NDUFAF2: variants seen among roughly 807,000 people sequenced by gnomAD.
NDUFAF2 encodes the protein NADH dehydrogenase [ubiquinone] 1 alpha subcomplex assembly factor 2.
Under a neutral mutation model 22.8 loss-of-function variants are expected in NDUFAF2, and 13 were observed. The observed-to-expected ratio is 0.57, with a 90% confidence interval of 0.37 to 0.91. The LOEUF is 0.91. NDUFAF2 is among the 40% of genes least tolerant of loss of function. The probability of loss-of-function intolerance (pLI) is 0.01; values close to 1 mark genes in which losing one functional copy is unlikely to be tolerated. For missense variants in NDUFAF2, 162 were observed against 195.2 expected (o/e 0.83, Z 1.01); for synonymous variants, 53 against 64.2 (o/e 0.83, Z 0.84).
chr5:61,006,186 T>G (rs1751364069), intron 1 of NDUFAF2, among the ~76,000 whole-genome samples: 3 of 152,236 alleles, frequency 2.0e-5, no homozygotes, highest in Admixed American at 2.0e-4. Flanking sequence ...CAGCACCATT[T>G]ATTAAATAGG....
rs1752326092 is a variant in NDUFAF2 at position 61,073,352 on chromosome 5, TTTTAACATTGCATTTCTTTGAA to T, written c.217+139_217+160del. On this transcript the variant is annotated intron_variant, in intron 2 of 3. Coordinates refer to ENST00000296597, the MANE Select transcript of NDUFAF2 (RefSeq NM_174889.5). ...TGTCTGAATGTTTGAAACTTTGTTT[TTTTAACATTGCATTTCTTTGAA>T]AGTTGTGAAGGTGCTGAATTTTAGT... The T allele has an allele frequency of 5.7e-6, 4 of 706,174 alleles. No homozygotes were observed. In the Admixed American group the frequency reaches 9.3e-5, roughly 16 times the overall value. The allele number at this position is 706,174 out of a possible 1,614,324, so 43.7% of individuals were successfully genotyped here. A position where few individuals can be genotyped will look rare whatever the true frequency, so the allele number is the denominator to read the frequency against.
At chr5:61,103,192 G>T (rs1752723939) in intron 3 of NDUFAF2, among the ~76,000 whole-genome samples, 1 of 152,074 alleles carries the variant, frequency 6.6e-6, no homozygotes, top group African/African-American at 2.4e-5. Context: ...AAGGCTTCCT[G>T]ATTTGGGCCC....
chr5:61,139,603 A>G (rs1279893365), intron 3 of NDUFAF2, among the ~76,000 whole-genome samples: 1 of 152,222 alleles, frequency 6.6e-6, no homozygotes, highest in Non-Finnish European at 1.5e-5. Context: ...GTTTCCTACC[A>G]TGGTTAATGG....
intron 3 of NDUFAF2, among the ~76,000 whole-genome samples, chr5:61,111,648 T>G (rs1752842073): frequency 6.6e-6 from 1 of 152,000 alleles, no homozygotes; most frequent in Non-Finnish European, 1.5e-5. Context: ...AGACAGAGTC[T>G]CACTCTGTTG....
intron 3 of NDUFAF2, among the ~76,000 whole-genome samples, chr5:61,111,780 G>A (rs184924620): frequency 7.9e-5 from 12 of 151,798 alleles, no homozygotes; most frequent in Middle Eastern, 3.4e-3. Context: ...CACCACGCCC[G>A]GCTAATTTTT....
intron 1 of NDUFAF2, among the ~76,000 whole-genome samples, chr5:61,050,988 T>A (rs925584551): frequency 6.6e-6 from 1 of 152,196 alleles, no homozygotes; most frequent in Admixed American, 6.5e-5. Flanking sequence ...AATATTTGCT[T>A]TTCAAAGGAA....
chr5:61,138,312 A>G (rs1054563326), intron 3 of NDUFAF2, among the ~76,000 whole-genome samples: 3 of 152,232 alleles, frequency 2.0e-5, no homozygotes, highest in African/African-American at 7.2e-5. Flanking sequence ...ATAAAGAGAA[A>G]TGCACAATTC....
At chr5:61,008,302 T>TAA (rs916252927) in intron 1 of NDUFAF2, among the ~76,000 whole-genome samples, 15 of 151,292 alleles carry the variant, frequency 9.9e-5, no homozygotes, top group African/African-American at 3.6e-4. Flanking sequence ...TAAAGTATAA[T>TAA]AAAAAAAAAG....
chr5:60,988,118 A>G (rs1002041828), intron 1 of NDUFAF2, among the ~76,000 whole-genome samples: 6 of 152,214 alleles, frequency 3.9e-5, no homozygotes, highest in East Asian at 1.9e-4. Flanking sequence ...AAAAATTAGT[A>G]GCATTTCTTT....
chr5:60,947,782 A>C (rs1289721930), intron 1 of NDUFAF2, among the ~76,000 whole-genome samples: 1 of 144,248 alleles, frequency 6.9e-6, no homozygotes, highest in African/African-American at 2.6e-5. Flanking sequence ...AAAAAAAAAA[A>C]ACAAGCCCAA....
chr5:61,049,821 CAT>C (rs1414478974), intron 1 of NDUFAF2, among the ~76,000 whole-genome samples: 4 of 149,362 alleles, frequency 2.7e-5, no homozygotes, highest in Non-Finnish European at 4.5e-5. Flanking sequence ...TATTTATATA[CAT>C]ATATATAAAT....
chr5:61,054,169 C>T (rs1371908358), intron 1 of NDUFAF2, among the ~76,000 whole-genome samples: 1 of 152,104 alleles, frequency 6.6e-6, no homozygotes, highest in Non-Finnish European at 1.5e-5. Flanking sequence ...CCACTGTACT[C>T]ATTCCTGGGT....
chr5:61,038,061 G>A (rs866798398), intron 1 of NDUFAF2, among the ~76,000 whole-genome samples: 9 of 135,230 alleles, frequency 6.7e-5, no homozygotes, highest in Middle Eastern at 3.4e-3. Flanking sequence ...GTGATGAGAC[G>A]GGGGGTGGGA....
At chr5:61,146,292 A>G (rs1008441711) in intron 3 of NDUFAF2, 3 of 152,196 alleles carry the variant, frequency 2.0e-5, no homozygotes, top group Non-Finnish European at 2.9e-5. Flanking sequence ...TGGTGGACGT[A>G]GAGTTTTAGG....
intron 1 of NDUFAF2, among the ~76,000 whole-genome samples, chr5:60,968,242 C>CTAA (rs1272699198): frequency 6.6e-6 from 1 of 151,486 alleles, no homozygotes; most frequent in Non-Finnish European, 1.5e-5. Flanking sequence ...CTTAGTCTAT[C>CTAA]TAAAGGTTTG....
chr5:60,989,792 C>T (rs111793128), intron 1 of NDUFAF2, among the ~76,000 whole-genome samples: 3,899 of 152,148 alleles, frequency 0.026, 164 homozygotes, highest in African/African-American at 0.085. Context: ...AAATACCTAT[C>T]GGGTACTATG....
intron 1 of NDUFAF2, among the ~76,000 whole-genome samples, chr5:61,044,320 CTTTG>C (rs774223893): frequency 5.3e-5 from 8 of 151,660 alleles, no homozygotes; most frequent in Middle Eastern, 3.2e-3. Context: ...CTCTGTTTTA[CTTTG>C]TTTGTTTTAC....
chr5:61,020,998 T>C (rs1561543711), intron 1 of NDUFAF2, among the ~76,000 whole-genome samples: 1 of 151,338 alleles, frequency 6.6e-6, no homozygotes, highest in Non-Finnish European at 1.5e-5. Context: ...CCAGCCTTTT[T>C]TTTTTTTTTT....
intron 1 of NDUFAF2, among the ~76,000 whole-genome samples, chr5:61,003,276 C>T (rs1259589737): frequency 2.0e-5 from 3 of 152,012 alleles, no homozygotes. Flanking sequence ...GCTAAGAAGG[C>T]CTTTGGAATA....
Sources: allele counts gnomAD v4.1 joint callset (sites outside exome capture counted in the v4.1 genomes callset), GRCh38; gene constraint gnomAD v4.1.1; transcripts MANE v1.5; gene names NCBI Gene and HGNC (gene_info 2026-07-23, HGNC 2026-07-21).